GRIN2B: variants seen among roughly 807,000 people sequenced by gnomAD.
GRIN2B encodes glutamate ionotropic receptor NMDA type subunit 2B.
GRIN2B carries 5 observed loss-of-function variants against 114.5 expected under a neutral mutation model. That is an observed-to-expected ratio of 0.04 (90% CI 0.02 to 0.09). The LOEUF (loss-of-function observed/expected upper bound fraction) is 0.09, where lower values mean the gene tolerates loss of function less well. GRIN2B is among the 10% of genes least tolerant of loss of function. The pLI is 1.00. For missense variants in GRIN2B, 1,108 were observed against 1,943.5 expected (o/e 0.57, Z 8.08); for synonymous variants, 787 against 745.1 (o/e 1.06, Z -0.92).
In GRIN2B at chr12:13,952,364, G is replaced by T. The variant is rs75142513; in HGVS notation, c.-19+27564C>A. On this transcript the variant is annotated intron_variant, in intron 2 of 13. Coordinates refer to ENST00000609686, the MANE Select transcript of GRIN2B (RefSeq NM_000834.5). The stretch of plus-strand genomic sequence containing the variant: ...ACCCACTCACCTTTATACAGTGTCC[G>T]CAGGAATCCACAAATTAGGATATAG... Among the ~76,000 whole-genome samples, 321 of 152,208 alleles carry T rather than the reference G, an allele frequency of 2.1e-3. 10 individuals are homozygous for T. The East Asian group carries it at 0.052, about 25-fold the overall frequency.
intron 1 of GRIN2B, among the ~76,000 whole-genome samples, chr12:13,980,751 C>T (rs1863117897): frequency 6.6e-6 from 1 of 152,200 alleles, no homozygotes; most frequent in Non-Finnish European, 1.5e-5. Flanking sequence ...GCCCCCAGCC[C>T]CATCTGCATT....
chr12:13,806,938 G>A (rs925000072), intron 3 of GRIN2B, among the ~76,000 whole-genome samples: 1 of 151,546 alleles, frequency 6.6e-6, no homozygotes, highest in African/African-American at 2.4e-5. Flanking sequence ...ATTCTAATTT[G>A]AGTAATATAG....
chr12:13,905,488 T>G (rs575179521), intron 2 of GRIN2B, among the ~76,000 whole-genome samples: 1 of 152,248 alleles, frequency 6.6e-6, no homozygotes, highest in Admixed American at 6.5e-5. Context: ...GTAAGTATAG[T>G]TGTTTCATAC....
intron 2 of GRIN2B, among the ~76,000 whole-genome samples, chr12:13,892,909 C>G (rs1489885635): frequency 6.6e-6 from 1 of 152,150 alleles, no homozygotes; most frequent in Admixed American, 6.5e-5. Context: ...ACCTGACTCC[C>G]TGAAAGAACA....
Position 13,546,182 on chromosome 12 carries a change from G to A in GRIN2B, c.*16601C>T, listed in dbSNP as rs1012892697. ...TATATTCAGTTCTCAGTGCCCCTTG[G>A]CTTCCCAATTTAAGTCAATGTAATC... On this transcript the variant is annotated 3_prime_UTR_variant, in exon 14 of 14. Coordinates refer to ENST00000609686, the MANE Select transcript of GRIN2B (RefSeq NM_000834.5). 1 of 152,108 alleles carries A rather than the reference G, an allele frequency of 6.6e-6. No homozygotes were observed. The highest frequency in any genetic ancestry group is 6.6e-5 in the Admixed American group (1 of 15,266). 9.4% of individuals were successfully genotyped at this position (152,108 alleles called of 1,614,324 possible).
chr12:13,826,626 C>T (rs1399915177), intron 3 of GRIN2B, among the ~76,000 whole-genome samples: 1 of 151,544 alleles, frequency 6.6e-6, no homozygotes, highest in Non-Finnish European at 1.5e-5. Context: ...TATAATGTGC[C>T]TTATTGTTGT....
At chr12:13,641,346 T>C (rs1464724930) in intron 5 of GRIN2B, among the ~76,000 whole-genome samples, 3 of 152,144 alleles carry the variant, frequency 2.0e-5, no homozygotes, top group Non-Finnish European at 4.4e-5. Context: ...GTGCTGGGAT[T>C]ACAGGTGTGA....
intron 4 of GRIN2B, among the ~76,000 whole-genome samples, chr12:13,749,011 A>T (rs1863435314): frequency 6.6e-6 from 1 of 152,216 alleles, no homozygotes; most frequent in Admixed American, 6.5e-5. Context: ...GCAACCCAGA[A>T]TCTATCTGGA....
At chr12:13,776,934 GC>G (rs1864015195) in intron 3 of GRIN2B, among the ~76,000 whole-genome samples, 1 of 152,090 alleles carries the variant, frequency 6.6e-6, no homozygotes, top group African/African-American at 2.4e-5. Flanking sequence ...TGGCTGTGCT[GC>G]TTGTGCTGCA....
chr12:13,919,886 C>T (rs1018940852), intron 2 of GRIN2B, among the ~76,000 whole-genome samples: 3 of 152,098 alleles, frequency 2.0e-5, no homozygotes, highest in African/African-American at 7.2e-5. Context: ...AGAGCAACAA[C>T]GATGCAGATG....
intron 4 of GRIN2B, among the ~76,000 whole-genome samples, chr12:13,697,953 C>T (rs1950276059): frequency 3.3e-5 from 5 of 152,216 alleles, no homozygotes; most frequent in Admixed American, 2.0e-4. Flanking sequence ...TTGCATCTGA[C>T]ATGTAGAATG....
chr12:13,730,694 G>C (rs542423554), intron 4 of GRIN2B, among the ~76,000 whole-genome samples: 15 of 152,182 alleles, frequency 9.9e-5, no homozygotes, highest in Non-Finnish European at 2.1e-4. Flanking sequence ...AAAATGGTTT[G>C]AATCTTTCCC....
At chr12:13,886,953 T>C (rs932807674) in intron 2 of GRIN2B, among the ~76,000 whole-genome samples, 19 of 152,198 alleles carry the variant, frequency 1.2e-4, no homozygotes, top group Admixed American at 1.2e-3. Flanking sequence ...TTAGCCCTAT[T>C]AGCCCCATTT....
At chr12:13,968,179 G>A (rs1867820199) in intron 2 of GRIN2B, among the ~76,000 whole-genome samples, 1 of 152,226 alleles carries the variant, frequency 6.6e-6, no homozygotes, top group African/African-American at 2.4e-5. Context: ...CTCACGGCAT[G>A]TCTTGCCCAT....
chr12:13,624,403 C>T (rs1949548885), intron 5 of GRIN2B, among the ~76,000 whole-genome samples: 1 of 152,208 alleles, frequency 6.6e-6, no homozygotes, highest in African/African-American at 2.4e-5. Context: ...CTTCAGCCTT[C>T]CTGATTATAA....
chr12:13,951,511 C>G (rs1266923227), intron 2 of GRIN2B, among the ~76,000 whole-genome samples: 2 of 152,176 alleles, frequency 1.3e-5, no homozygotes. Context: ...GTCAAATGAT[C>G]CAGTCTGTTT....
chr12:13,754,819 C>A (rs1264531769), intron 3 of GRIN2B, among the ~76,000 whole-genome samples: 1 of 152,110 alleles, frequency 6.6e-6, no homozygotes, highest in African/African-American at 2.4e-5. Context: ...CACACCCTCC[C>A]GTGTCAATTT....
At chr12:13,858,502 T>C (rs868756932) in intron 3 of GRIN2B, among the ~76,000 whole-genome samples, 8 of 152,176 alleles carry the variant, frequency 5.3e-5, no homozygotes, top group Middle Eastern at 3.2e-3. Context: ...GGACTAAAAA[T>C]ATACTCTTTG....
In GRIN2B at chr12:13,763,825, T is replaced by C. The variant is rs1034459197; in HGVS notation, c.412-9910A>G. 7.2e-5 allele frequency among the ~76,000 whole-genome samples: 11 copies of C among 152,342 alleles called. No homozygotes were observed. The East Asian group carries it at 7.7e-4, about 11-fold the overall frequency. On this transcript the variant is annotated intron_variant, in intron 3 of 13. Coordinates refer to ENST00000609686, the MANE Select transcript of GRIN2B (RefSeq NM_000834.5). ...AATACAAATTGTGTTCAGTGTTTGA[T>C]TGGTTGCATCCAAGTTTATTTGAGA...
Sources: allele counts gnomAD v4.1 joint callset (sites outside exome capture counted in the v4.1 genomes callset), GRCh38; gene constraint gnomAD v4.1.1; transcripts MANE v1.5; gene names NCBI Gene and HGNC (gene_info 2026-07-23, HGNC 2026-07-21).